Variants in SLC35F1 observed in about 807,000 individuals in gnomAD.
SLC35F1 encodes the protein solute carrier family 35 member F1.
SLC35F1 carries 14 observed loss-of-function variants against 48.7 expected under a neutral mutation model. That is an observed-to-expected ratio of 0.29 (90% CI 0.19 to 0.45). The LOEUF (loss-of-function observed/expected upper bound fraction) is 0.45. Ranked by LOEUF, SLC35F1 falls within the 20% of genes least tolerant of loss-of-function variation. The pLI is 1.00. For missense variants in SLC35F1, 404 were observed against 500.0 expected (o/e 0.81, Z 1.83); for synonymous variants, 190 against 202.2 (o/e 0.94, Z 0.51).
intron 3 of SLC35F1, among the ~76,000 whole-genome samples, chr6:118,238,625 C>G (rs913928242): frequency 2.0e-5 from 3 of 152,098 alleles, no homozygotes; most frequent in Non-Finnish European, 4.4e-5. Context: ...AAGCAGGCTC[C>G]TCTCATGGTC....
intron 1 of SLC35F1, among the ~76,000 whole-genome samples, chr6:117,923,662 T>TATGTACATATGTACATATACAC (rs1562238678): frequency 0.013 from 854 of 63,376 alleles, 229 homozygotes; most frequent in African/African-American, 0.043. Context: ...TACATATGTA[T>TATGTACATATGTACATATACAC]ATATACATAT....
At chr6:118,237,735 C>T (rs1775384125) in intron 3 of SLC35F1, among the ~76,000 whole-genome samples, 1 of 152,176 alleles carries the variant, frequency 6.6e-6, no homozygotes, top group South Asian at 2.1e-4. Context: ...TTCATATTCA[C>T]CTCTCCATAC....
chr6:118,130,336 A>G (rs1286797139), intron 1 of SLC35F1, among the ~76,000 whole-genome samples: 2 of 152,150 alleles, frequency 1.3e-5, no homozygotes, highest in South Asian at 2.1e-4. Context: ...CAGTTTCTTC[A>G]TCTGCAAAAG....
intron 2 of SLC35F1, among the ~76,000 whole-genome samples, chr6:118,228,419 C>T (rs1295519079): frequency 6.6e-6 from 1 of 152,076 alleles, no homozygotes; most frequent in Non-Finnish European, 1.5e-5. Flanking sequence ...ATAAGTAAAA[C>T]AGGCTGGGTG....
At chr6:117,914,282 A>G (rs949545860) in intron 1 of SLC35F1, among the ~76,000 whole-genome samples, 1 of 151,960 alleles carries the variant, frequency 6.6e-6, no homozygotes, top group Non-Finnish European at 1.5e-5. Context: ...GCCCTTAAAT[A>G]TAGTTTTGCA....
At chr6:118,278,819 A>G (rs951151907) in intron 6 of SLC35F1, among the ~76,000 whole-genome samples, 2 of 152,254 alleles carry the variant, frequency 1.3e-5, no homozygotes, top group African/African-American at 2.4e-5. Flanking sequence ...CCATGAGTAT[A>G]AATTAATTTT....
intron 1 of SLC35F1, among the ~76,000 whole-genome samples, chr6:118,036,832 A>T (rs959384182): frequency 6.6e-6 from 1 of 152,192 alleles, no homozygotes; most frequent in Non-Finnish European, 1.5e-5. Flanking sequence ...ATATGCTGGG[A>T]TTACAGGTGT....
At chr6:118,296,575 G>A (rs1406905254) in intron 7 of SLC35F1, among the ~76,000 whole-genome samples, 2 of 152,200 alleles carry the variant, frequency 1.3e-5, no homozygotes, top group African/African-American at 2.4e-5. Flanking sequence ...GGGAATAAAT[G>A]GTGAGGCAAG....
chr6:117,998,931 T>G (rs1017268945), intron 1 of SLC35F1: 8 of 790,246 alleles, frequency 1.0e-5, no homozygotes, highest in Non-Finnish European at 1.8e-5. Context: ...AAATCAGCTC[T>G]TCCGGTTCTA....
intron 1 of SLC35F1, among the ~76,000 whole-genome samples, chr6:118,143,375 AG>A (rs1358317357): frequency 1.1e-4 from 17 of 152,186 alleles, no homozygotes; most frequent in African/African-American, 3.4e-4. Flanking sequence ...AATCCTTAAA[AG>A]GTTGCCCCCT....
At position 118,077,531 on chromosome 6, in the gene SLC35F1, T is replaced by G. The variant is rs79639601; in HGVS notation, c.174-76914T>G. On this transcript the variant is annotated intron_variant, in intron 1 of 7. Transcript: ENST00000360388. ...AAATATTCATTTTTTAAAGACACAT[T>G]TTTGTCTAATTGACCTTACAGTAAG... 2.7e-3 allele frequency among the ~76,000 whole-genome samples: 405 copies of G among 152,350 alleles called. 2 individuals carry two copies. Among genetic ancestry groups the G allele is most frequent in the African/African-American group, 9.3e-3 (385 of 41,572 alleles).
chr6:118,014,741 G>A (rs1294129444), intron 1 of SLC35F1, among the ~76,000 whole-genome samples: 1 of 152,128 alleles, frequency 6.6e-6, no homozygotes, highest in Non-Finnish European at 1.5e-5. Context: ...AGCAGAAATG[G>A]AGATGTAAAT....
chr6:118,161,404 G>A (rs1774230866), intron 2 of SLC35F1, among the ~76,000 whole-genome samples: 1 of 152,174 alleles, frequency 6.6e-6, no homozygotes, highest in Admixed American at 6.5e-5. Context: ...AGTTCTCTGG[G>A]TAACACTGAC....
At chr6:117,946,399 A>G (rs1776295577) in intron 1 of SLC35F1, among the ~76,000 whole-genome samples, 1 of 152,212 alleles carries the variant, frequency 6.6e-6, no homozygotes, top group Non-Finnish European at 1.5e-5. Context: ...TTCTTAGTTC[A>G]AATAAGAGTC....
intron 1 of SLC35F1, among the ~76,000 whole-genome samples, chr6:118,037,696 A>G (rs1234212084): frequency 2.6e-5 from 4 of 152,216 alleles, no homozygotes; most frequent in African/African-American, 9.6e-5. Flanking sequence ...GCCATAAAAA[A>G]GAATGAGTTC....
chr6:118,262,380 G>A (rs1287763517), intron 3 of SLC35F1, among the ~76,000 whole-genome samples: 5 of 152,104 alleles, frequency 3.3e-5, no homozygotes, highest in African/African-American at 7.2e-5. Context: ...GATGGTCAGA[G>A]ATCAGCTGGA....
At chr6:118,182,560 G>GAAGA (rs1774597236) in intron 2 of SLC35F1, among the ~76,000 whole-genome samples, 2 of 147,214 alleles carry the variant, frequency 1.4e-5, no homozygotes, top group Non-Finnish European at 3.0e-5. Context: ...AGGAAGGAAG[G>GAAGA]AAGAAAAAAA....
At chr6:118,097,337 T>A (rs1582664727) in intron 1 of SLC35F1, among the ~76,000 whole-genome samples, 1 of 152,232 alleles carries the variant, frequency 6.6e-6, no homozygotes, top group Non-Finnish European at 1.5e-5. Flanking sequence ...TGAATGAATG[T>A]CTGCTTCCAA....
intron 1 of SLC35F1, among the ~76,000 whole-genome samples, chr6:117,926,204 T>C (rs1776025251): frequency 6.6e-6 from 1 of 152,182 alleles, no homozygotes; most frequent in Non-Finnish European, 1.5e-5. Flanking sequence ...TCCGCCATGC[T>C]GTTCTCTTGG....
Sources: allele counts gnomAD v4.1 joint callset (sites outside exome capture counted in the v4.1 genomes callset), GRCh38; gene constraint gnomAD v4.1.1; transcripts MANE v1.5; gene names NCBI Gene and HGNC (gene_info 2026-07-23, HGNC 2026-07-21).